PCED1B: variants seen among roughly 807,000 people sequenced by gnomAD.
The protein encoded by PCED1B is PC-esterase domain containing 1B, also known as PC-esterase domain-containing protein 1B.
For synonymous variants in PCED1B, 251 were observed against 246.1 expected, an observed-to-expected ratio of 1.02 and a Z score of -0.19; for missense variants, 573 against 573.9, an observed-to-expected ratio of 1.00 and a Z score of 0.02.
At chr12:47,086,812 TAACA>T in intron 1 of PCED1B, among the ~76,000 whole-genome samples, 1 of 152,200 alleles carries the variant, frequency 6.6e-6, no homozygotes, top group East Asian at 1.9e-4. Context: ...GGATAATATT[TAACA>T]AACCCAGTTT....
chr12:47,133,648 G>A (rs1032477323), intron 2 of PCED1B, among the ~76,000 whole-genome samples: 2 of 152,176 alleles, frequency 1.3e-5, no homozygotes, highest in African/African-American at 2.4e-5. Flanking sequence ...TAATATCACA[G>A]TATGAGCAAA....
At chr12:47,144,265 T>A (rs1450164796) in intron 2 of PCED1B, among the ~76,000 whole-genome samples, 1 of 152,130 alleles carries the variant, frequency 6.6e-6, no homozygotes, top group African/African-American at 2.4e-5. Flanking sequence ...AGGCTCTGGA[T>A]AGTGAGCCCA....
At chr12:47,220,322 C>T (rs931208508) in intron 3 of PCED1B, among the ~76,000 whole-genome samples, 1 of 152,074 alleles carries the variant, frequency 6.6e-6, no homozygotes, top group East Asian at 1.9e-4. Context: ...CAGGTGTGTG[C>T]CATGACACCA....
intron 2 of PCED1B, among the ~76,000 whole-genome samples, chr12:47,161,627 G>A (rs888921616): frequency 6.6e-6 from 1 of 152,196 alleles, no homozygotes; most frequent in Non-Finnish European, 1.5e-5. Flanking sequence ...GTGCTGGAGA[G>A]GATGTGGAGA....
intron 1 of PCED1B, among the ~76,000 whole-genome samples, chr12:47,080,310 C>G (rs1447357319): frequency 6.6e-6 from 1 of 152,144 alleles, no homozygotes; most frequent in African/African-American, 2.4e-5. Context: ...CCTTGGAGAC[C>G]CACTTCGCGG....
chr12:47,183,330 T>G (rs1409316819), intron 2 of PCED1B, among the ~76,000 whole-genome samples: 2 of 152,188 alleles, frequency 1.3e-5, no homozygotes, highest in Non-Finnish European at 2.9e-5. Flanking sequence ...CTAAATATAT[T>G]TTGCTCTAGT....
chr12:47,204,663 C>T (rs1242641186), intron 2 of PCED1B, among the ~76,000 whole-genome samples: 4 of 152,138 alleles, frequency 2.6e-5, no homozygotes, highest in Non-Finnish European at 4.4e-5. Flanking sequence ...GGCTACCTTG[C>T]ACTTTGTTTC....
chr12:47,166,969 C>A (rs1041212954), intron 2 of PCED1B, among the ~76,000 whole-genome samples: 1 of 152,008 alleles, frequency 6.6e-6, no homozygotes, highest in South Asian at 2.1e-4. Context: ...AAGGCTTTTA[C>A]GGTATTCCAT....
At chr12:47,213,201 G>T (rs1009171512) in intron 2 of PCED1B, among the ~76,000 whole-genome samples, 1 of 152,166 alleles carries the variant, frequency 6.6e-6, no homozygotes, top group Non-Finnish European at 1.5e-5. Flanking sequence ...CTCATGAGAA[G>T]TTTTAATCCA....
chr12:47,160,293 C>CTTTTTTTTTTTTTTTTTT (rs59856338), intron 2 of PCED1B, among the ~76,000 whole-genome samples: 154 of 69,242 alleles, frequency 2.2e-3, no homozygotes, highest in Admixed American at 3.2e-3. Context: ...TTTTCTTTTT[C>CTTTTTTTTTTTTTTTTTT]TTTTTTTTTT....
chr12:47,114,085 G>T (rs1939319059), intron 2 of PCED1B, among the ~76,000 whole-genome samples: 2 of 152,054 alleles, frequency 1.3e-5, no homozygotes, highest in South Asian at 4.1e-4. Context: ...TTAGATAATT[G>T]ACTACAGATT....
At chr12:47,207,035 T>C (rs1427770900) in intron 2 of PCED1B, among the ~76,000 whole-genome samples, 1 of 152,188 alleles carries the variant, frequency 6.6e-6, no homozygotes, top group African/African-American at 2.4e-5. Flanking sequence ...TAGAAGGAGC[T>C]TTGAATGGGA....
chr12:47,122,026 CAA>C (rs61540740), intron 2 of PCED1B, among the ~76,000 whole-genome samples: 2,818 of 103,670 alleles, frequency 0.027, 75 homozygotes, highest in African/African-American at 0.086. Context: ...GACTCCATCT[CAA>C]AAAAAAAAAA....
intron 3 of PCED1B, among the ~76,000 whole-genome samples, chr12:47,231,222 AT>A (rs1943796637): frequency 6.6e-6 from 1 of 152,168 alleles, no homozygotes; most frequent in Admixed American, 6.5e-5. Context: ...ATGTTTTATT[AT>A]TTTTTTACAT....
chr12:47,114,693 G>A (rs190736304), intron 2 of PCED1B, among the ~76,000 whole-genome samples: 162 of 152,290 alleles, frequency 1.1e-3, no homozygotes, highest in Non-Finnish European at 1.6e-3. Context: ...GCTGCACCAA[G>A]CCCTCCAGCT....
At chr12:47,202,613 A>AAAAAAAG (rs1238641160) in intron 2 of PCED1B, among the ~76,000 whole-genome samples, 5 of 150,106 alleles carry the variant, frequency 3.3e-5, no homozygotes, top group Admixed American at 6.6e-5. Flanking sequence ...AAAAAAAAAA[A>AAAAAAAG]AAAAAAGAAA....
intron 1 of PCED1B, among the ~76,000 whole-genome samples, chr12:47,103,508 G>A (rs776373576): frequency 6.6e-6 from 1 of 152,208 alleles, no homozygotes; most frequent in Non-Finnish European, 1.5e-5. Context: ...AATAGCAAAG[G>A]TCTAGATTAG....
At position 47,120,731 on chromosome 12, in the gene PCED1B, G is replaced by C. The variant is rs1172860979; in HGVS notation, c.-526+16536G>C. ...GCAGGAGAATCACTTGAACCCGGGA[G>C]GCAGAGGTTGCAGTGAGCTGAGATC... On this transcript the variant is annotated intron_variant, in intron 2 of 3. Transcript: ENST00000546455. Among the ~76,000 whole-genome samples, 3 of 152,152 alleles carry C rather than the reference G, an allele frequency of 2.0e-5. No individual in the cohort carries two copies. The South Asian group carries it at 6.2e-4, about 32-fold the overall frequency.
chr12:47,203,998 T>G (rs1272931131), intron 2 of PCED1B, among the ~76,000 whole-genome samples: 1 of 152,132 alleles, frequency 6.6e-6, no homozygotes, highest in Non-Finnish European at 1.5e-5. Context: ...CTCGCCAGCA[T>G]CTGTTGTTTT....
Sources: allele counts gnomAD v4.1 joint callset (sites outside exome capture counted in the v4.1 genomes callset), GRCh38; gene constraint gnomAD v4.1.1; transcripts MANE v1.5; gene names NCBI Gene and HGNC (gene_info 2026-07-23, HGNC 2026-07-21).